Variants in PTPRG observed in about 807,000 individuals in gnomAD.
PTPRG encodes the protein receptor-type tyrosine-protein phosphatase gamma.
A neutral mutation model predicts 165.3 loss-of-function variants in PTPRG; 102 were observed. The ratio of observed to expected loss-of-function variants is 0.62; its 90% CI spans 0.53 to 0.73. PTPRG has a LOEUF of 0.73. PTPRG is among the 30% of genes least tolerant of loss of function. PTPRG has a pLI of 0.00. For missense variants in PTPRG, 1,866 were observed against 1,861.4 expected (o/e 1.00, Z -0.05); for synonymous variants, 675 against 669.5 (o/e 1.01, Z -0.13).
At chr3:62,218,756 A>T (rs1700574941) in intron 12 of PTPRG, 95 bp from the exon 13 acceptor site, 2 of 1,467,838 alleles carry the variant, frequency 1.4e-6, no homozygotes, top group Non-Finnish European at 1.8e-6. Flanking sequence ...CCAGTTCGCC[A>T]GAAACCACAC....
At chr3:62,211,506 T>C (rs1377787380) in intron 12 of PTPRG, among the ~76,000 whole-genome samples, 1 of 152,248 alleles carries the variant, frequency 6.6e-6, no homozygotes, top group African/African-American at 2.4e-5. Context: ...TTTTGTGTTA[T>C]GTGTTTTTCC....
intron 1 of PTPRG, among the ~76,000 whole-genome samples, chr3:61,675,038 C>G (rs1575581890): frequency 6.6e-6 from 1 of 152,156 alleles, no homozygotes; most frequent in Non-Finnish European, 1.5e-5. Context: ...AAGAAACAGC[C>G]TAGCATTACC....
chr3:61,708,706 C>T (rs1412450769), intron 1 of PTPRG, among the ~76,000 whole-genome samples: 1 of 152,102 alleles, frequency 6.6e-6, no homozygotes. Context: ...ATCCGCCCGC[C>T]TCGGCCTCCC....
intron 5 of PTPRG, among the ~76,000 whole-genome samples, chr3:62,093,534 AG>A (rs773634941): frequency 3.3e-5 from 5 of 152,250 alleles, no homozygotes; most frequent in Non-Finnish European, 5.9e-5. Context: ...AAAGAAACCC[AG>A]GTATGAGATT....
chr3:61,678,235 A>C (rs1429562084), intron 1 of PTPRG, among the ~76,000 whole-genome samples: 1 of 152,212 alleles, frequency 6.6e-6, no homozygotes, highest in Non-Finnish European at 1.5e-5. Context: ...TCTAAAAGAC[A>C]CTTGAAAACT....
intron 1 of PTPRG, among the ~76,000 whole-genome samples, chr3:61,573,717 A>G (rs1700114470): frequency 6.6e-6 from 1 of 152,208 alleles, no homozygotes; most frequent in South Asian, 2.1e-4. Flanking sequence ...GAATGAGTAG[A>G]TAATGCTCTT....
chr3:62,169,143 G>A lies in PTPRG; in HGVS notation c.1033+980G>A, dbSNP rs750717983. The stretch of plus-strand genomic sequence containing the variant: ...GATAGCGGGATATGGCGGGCCAAAA[G>A]GCAACTTTTGGTCATGAAAACAGGA... On this transcript the variant is annotated intron_variant, in intron 8 of 29. Transcript: ENST00000474889. Among the ~76,000 whole-genome samples, 1,356 of 152,150 alleles carry A rather than the reference G, an allele frequency of 8.9e-3. 10 individuals carry two copies. Among genetic ancestry groups the A allele is most frequent in the Admixed American group, 0.013 (198 of 15,292 alleles).
intron 2 of PTPRG, among the ~76,000 whole-genome samples, chr3:61,962,122 A>C (rs1056296878): frequency 6.6e-6 from 1 of 152,146 alleles, no homozygotes; most frequent in Non-Finnish European, 1.5e-5. Flanking sequence ...CCTTAAGCTC[A>C]CTTAAGTCCC....
At chr3:61,629,910 G>T (rs920787984) in intron 1 of PTPRG, among the ~76,000 whole-genome samples, 1 of 152,126 alleles carries the variant, frequency 6.6e-6, no homozygotes, top group African/African-American at 2.4e-5. Flanking sequence ...CAAGCTGATG[G>T]GCTACCATGC....
chr3:62,283,606 T>C (rs1702530227), intron 28 of PTPRG, among the ~76,000 whole-genome samples: 1 of 152,150 alleles, frequency 6.6e-6, no homozygotes, highest in Non-Finnish European at 1.5e-5. Flanking sequence ...TACATTCCCA[T>C]TTTTATTTCA....
intron 2 of PTPRG, among the ~76,000 whole-genome samples, chr3:61,928,869 C>T (rs1391475848): frequency 6.6e-6 from 1 of 152,094 alleles, no homozygotes; most frequent in African/African-American, 2.4e-5. Context: ...TGGAGTCATA[C>T]AGTGGTTCTC....
At chr3:61,575,862 C>T (rs1016473679) in intron 1 of PTPRG, among the ~76,000 whole-genome samples, 2 of 152,142 alleles carry the variant, frequency 1.3e-5, no homozygotes, top group Non-Finnish European at 2.9e-5. Context: ...GTGCCTTCAT[C>T]GGCCTTCCAA....
chr3:61,654,933 C>G (rs932153225), intron 1 of PTPRG, among the ~76,000 whole-genome samples: 2 of 151,854 alleles, frequency 1.3e-5, no homozygotes, highest in African/African-American at 2.4e-5. Context: ...AGGTGCCCAC[C>G]ACCATGCCCA....
chr3:61,918,575 C>G (rs2038999671), intron 2 of PTPRG, among the ~76,000 whole-genome samples: 1 of 152,068 alleles, frequency 6.6e-6, no homozygotes, highest in South Asian at 2.1e-4. Flanking sequence ...TGGAAAAGCT[C>G]CTTATATTTA....
chr3:62,138,263 C>T (rs1703790797), intron 6 of PTPRG, among the ~76,000 whole-genome samples: 1 of 152,146 alleles, frequency 6.6e-6, no homozygotes, highest in Non-Finnish European at 1.5e-5. Context: ...TTAGCAAAAA[C>T]ACAAAGTGAG....
At position 61,844,692 on chromosome 3, in the gene PTPRG, C is replaced by T. The variant is rs115928834; in HGVS notation, c.190+95710C>T. Among the ~76,000 whole-genome samples the T allele has an allele frequency of 6.1e-3, 927 of 150,820 alleles. 17 individuals are homozygous for T. Among genetic ancestry groups the T allele is most frequent in the African/African-American group, 0.022 (887 of 40,828 alleles). ...TTTTTCCCCCTGTTTGGTAGAGATGCGTATCTTGCTATATTGAACAGGGTG... is the reference window on the plus strand; with the variant it reads ...TTTTTCCCCCTGTTTGGTAGAGATGTGTATCTTGCTATATTGAACAGGGTG... On this transcript the variant is annotated intron_variant, in intron 2 of 29. Coordinates refer to ENST00000474889, the MANE Select transcript of PTPRG (RefSeq NM_002841.4).
intron 1 of PTPRG, among the ~76,000 whole-genome samples, chr3:61,727,229 A>T (rs1425207516): frequency 6.7e-6 from 1 of 149,022 alleles, no homozygotes; most frequent in Non-Finnish European, 1.5e-5. Flanking sequence ...TTTTTTTGAG[A>T]TGGAGTAGTG....
At chr3:62,253,271 G>A (rs1043019751) in intron 15 of PTPRG, among the ~76,000 whole-genome samples, 11 of 151,996 alleles carry the variant, frequency 7.2e-5, no homozygotes, top group African/African-American at 1.2e-4. Context: ...GTAAGTTCTC[G>A]GGAATCTAAA....
At chr3:61,801,823 G>T (rs548379443) in intron 2 of PTPRG, among the ~76,000 whole-genome samples, 6 of 152,190 alleles carry the variant, frequency 3.9e-5, no homozygotes, top group African/African-American at 1.4e-4. Context: ...TTTGAGACCC[G>T]CCTGGCCAAC....
Sources: allele counts gnomAD v4.1 joint callset (sites outside exome capture counted in the v4.1 genomes callset), GRCh38; gene constraint gnomAD v4.1.1; transcripts MANE v1.5; gene names NCBI Gene and HGNC (gene_info 2026-07-23, HGNC 2026-07-21).